The following RASAL2 variants were observed in gnomAD, a reference collection of about 807,000 sequenced individuals.
RASAL2 encodes the protein RAS protein activator like 2, also known as ras GTPase-activating protein nGAP.
Under a neutral mutation model 128.9 loss-of-function variants are expected in RASAL2, and 58 were observed. That is an observed-to-expected ratio of 0.45 (90% CI 0.36 to 0.56). The LOEUF is 0.56. Ranked by LOEUF, RASAL2 falls within the 20% of genes least tolerant of loss-of-function variation. RASAL2 has a pLI of 0.00. For missense variants in RASAL2, 1,360 were observed against 1,601.6 expected (o/e 0.85, Z 2.57); for synonymous variants, 561 against 580.8 (o/e 0.97, Z 0.49).
In RASAL2 at chr1:178,094,464, G is replaced by A. The variant is rs755221434; in HGVS notation, c.-29G>A. 1.8e-5 allele frequency: 27 copies of A among 1,522,278 alleles called. No homozygotes were observed. In the South Asian group the frequency reaches 2.3e-4, roughly 13 times the overall value. 94.3% of individuals were successfully genotyped at this position (1,522,278 alleles called of 1,614,324 possible). A position where few individuals can be genotyped will look rare whatever the true frequency, so the allele number is the denominator to read the frequency against. Reference sequence around the variant, plus strand: ...CGCGCCAGCCCGCCCCGAAGCCGCCGCCTCGTCCCCCTCCCGCCTCGGGGC... The same window carrying A: ...CGCGCCAGCCCGCCCCGAAGCCGCCACCTCGTCCCCCTCCCGCCTCGGGGC... On this transcript the variant is annotated 5_prime_UTR_variant, in exon 1 of 18. Coordinates refer to ENST00000367649, the MANE Select transcript of RASAL2 (RefSeq NM_170692.4).
In RASAL2 at chr1:178,439,591, A is replaced by G. The variant is rs1168209333; in HGVS notation, c.828+16A>G. The G allele has an allele frequency of 4.4e-6, 7 of 1,606,718 alleles. No homozygotes were observed. The highest frequency in any genetic ancestry group is 4.2e-6 in the Non-Finnish European group (5 of 1,176,874). ...CTGCTTTGAGGTAAAAATAAAGTGTAGAAAAAAGGAAGAGTAGTTAAACAA... is the reference window on the plus strand; with the variant it reads ...CTGCTTTGAGGTAAAAATAAAGTGTGGAAAAAAGGAAGAGTAGTTAAACAA... On this transcript the variant is annotated intron_variant, in intron 6 of 17. Transcript: ENST00000367649.
intron 2 of RASAL2, among the ~76,000 whole-genome samples, chr1:178,295,230 AT>A (rs1037186903): frequency 1.9e-4 from 27 of 145,674 alleles, no homozygotes; most frequent in African/African-American, 4.3e-4. Context: ...AAGCGTTGGC[AT>A]TTTTTTTCTC....
intron 1 of RASAL2, among the ~76,000 whole-genome samples, chr1:178,266,997 AGCTCTAAGAGCTGG>A (rs1268415274): frequency 2.6e-5 from 4 of 152,124 alleles, no homozygotes; most frequent in African/African-American, 9.7e-5. Flanking sequence ...TTTCCAGCCC[AGCTCTAAGAGCTGG>A]GCTTTCCTGC....
intron 3 of RASAL2, among the ~76,000 whole-genome samples, chr1:178,313,011 A>G (rs1668333096): frequency 6.6e-6 from 1 of 152,158 alleles, no homozygotes; most frequent in African/African-American, 2.4e-5. Flanking sequence ...TAACTTGCCT[A>G]AATAGCTAGA....
At chr1:178,323,625 G>A (rs1208446146) in intron 3 of RASAL2, among the ~76,000 whole-genome samples, 3 of 152,076 alleles carry the variant, frequency 2.0e-5, no homozygotes, top group African/African-American at 4.8e-5. Flanking sequence ...TCTGAACTCC[G>A]TGCTGTTGGT....
intron 3 of RASAL2, among the ~76,000 whole-genome samples, chr1:178,359,441 T>G (rs975444864): frequency 6.6e-6 from 1 of 152,150 alleles, no homozygotes; most frequent in African/African-American, 2.4e-5. Flanking sequence ...AAATACAAAT[T>G]TGTTCTTTGC....
At chr1:178,353,625 C>T (rs1670638969) in intron 3 of RASAL2, among the ~76,000 whole-genome samples, 1 of 152,176 alleles carries the variant, frequency 6.6e-6, no homozygotes, top group African/African-American at 2.4e-5. Flanking sequence ...TCCAAAGCTT[C>T]TTACATATTT....
At chr1:178,251,411 T>C (rs546508943) in intron 1 of RASAL2, among the ~76,000 whole-genome samples, 137 of 152,376 alleles carry the variant, frequency 9.0e-4, no homozygotes, top group South Asian at 3.1e-3. Flanking sequence ...CCTTTTGTGA[T>C]TTCCTCATCA....
chr1:178,269,248 A>G (rs1454583902), intron 1 of RASAL2, among the ~76,000 whole-genome samples: 1 of 152,194 alleles, frequency 6.6e-6, no homozygotes, highest in Non-Finnish European at 1.5e-5. Flanking sequence ...ATTGGCCAGT[A>G]CCTTGATCTT....
intron 1 of RASAL2, among the ~76,000 whole-genome samples, chr1:178,154,007 T>C (rs1464214172): frequency 6.6e-6 from 1 of 151,954 alleles, no homozygotes; most frequent in African/African-American, 2.4e-5. Flanking sequence ...GGCTAATTTT[T>C]GTACTTTTAT....
At chr1:178,344,592 ACT>A (rs1351655636) in intron 3 of RASAL2, among the ~76,000 whole-genome samples, 6 of 151,342 alleles carry the variant, frequency 4.0e-5, no homozygotes, top group East Asian at 1.9e-4. Flanking sequence ...TTTGTTACAG[ACT>A]CTTTTTGTTC....
chr1:178,247,156 T>C lies in RASAL2; in HGVS notation c.203-36408T>C, dbSNP rs909274168. ...AGAAAGAATTGTACCAGCTCCTCTT[T>C]GTACCTCTGGTAGAATTCGGCTGTG... On this transcript the variant is annotated intron_variant, in intron 1 of 17. Coordinates refer to ENST00000367649, the MANE Select transcript of RASAL2 (RefSeq NM_170692.4). 3.9e-5 allele frequency among the ~76,000 whole-genome samples: 6 copies of C among 152,210 alleles called. No homozygotes were observed. In the East Asian group the frequency reaches 9.6e-4, roughly 24 times the overall value.
intron 1 of RASAL2, 104 bp downstream of exon 1, chr1:178,094,798 G>A: frequency 2.2e-6 from 3 of 1,382,568 alleles, no homozygotes; most frequent in Non-Finnish European, 3.0e-6. Flanking sequence ...ATCCGTGCTA[G>A]GTCAGTTTCC....
At chr1:178,387,179 A>G (rs944547434) in intron 3 of RASAL2, among the ~76,000 whole-genome samples, 3 of 152,184 alleles carry the variant, frequency 2.0e-5, no homozygotes, top group Non-Finnish European at 4.4e-5. Flanking sequence ...GGGTTGAGAA[A>G]GCAACAAAGT....
intron 1 of RASAL2, among the ~76,000 whole-genome samples, chr1:178,238,808 T>C (rs1444309176): frequency 6.6e-6 from 1 of 152,112 alleles, no homozygotes; most frequent in African/African-American, 2.4e-5. Flanking sequence ...ATGATTTGTC[T>C]GCATTTCCAG....
chr1:178,334,342 T>C (rs1205872860), intron 3 of RASAL2, among the ~76,000 whole-genome samples: 1 of 151,420 alleles, frequency 6.6e-6, no homozygotes, highest in Non-Finnish European at 1.5e-5. Context: ...AACTTTTTTT[T>C]CTTTTTTTTT....
intron 3 of RASAL2, among the ~76,000 whole-genome samples, chr1:178,357,956 C>A (rs1275908260): frequency 6.6e-6 from 1 of 151,792 alleles, no homozygotes; most frequent in African/African-American, 2.4e-5. Flanking sequence ...AAAAACAAGG[C>A]CAGGTGTGGT....
At chr1:178,162,424 T>TAC (rs1491470585) in intron 1 of RASAL2, among the ~76,000 whole-genome samples, 1 of 116,296 alleles carries the variant, frequency 8.6e-6, no homozygotes, top group Non-Finnish European at 1.7e-5. Flanking sequence ...TATATAATAT[T>TAC]ATATATATTT....
At chr1:178,139,306 G>A (rs11585236) in intron 1 of RASAL2, among the ~76,000 whole-genome samples, 13,275 of 151,802 alleles carry the variant, frequency 0.087, 617 homozygotes, top group Middle Eastern at 0.13. Context: ...GTGAAAAATG[G>A]AGCATTTCAG....
Sources: gnomAD v4.1 joint callset for allele counts (sites outside exome capture counted in the v4.1 genomes callset) on GRCh38, gnomAD v4.1.1 for gene constraint, MANE v1.5 for transcripts, NCBI Gene and HGNC (gene_info 2026-07-23, HGNC 2026-07-21) for gene names.